The following FREM2 variants were observed in gnomAD, a reference collection of about 807,000 sequenced individuals.
The protein encoded by FREM2 is FRAS1 related extracellular matrix 2, also known as FRAS1-related extracellular matrix protein 2.
Under a neutral mutation model 219.9 loss-of-function variants are expected in FREM2, and 119 were observed. That is an observed-to-expected ratio of 0.54 (90% confidence interval 0.47 to 0.63). The LOEUF (loss-of-function observed/expected upper bound fraction) is 0.63. FREM2 is among the 30% of genes least tolerant of loss of function. The pLI, the probability that FREM2 is intolerant of heterozygous loss-of-function variation, is 0.00. For synonymous variants in FREM2, 1,562 were observed against 1,522.8 expected (o/e 1.03, Z -0.60); for missense variants, 4,030 against 3,993.6 (o/e 1.01, Z -0.25).
At chr13:38,825,464 A>G (rs1876245790) in intron 6 of FREM2, among the ~76,000 whole-genome samples, 1 of 152,132 alleles carries the variant, frequency 6.6e-6, no homozygotes, top group Non-Finnish European at 1.5e-5. Context: ...GTATATTCAC[A>G]GAATATCAAA....
intron 3 of FREM2, 117 bp from the exon 4 acceptor site, chr13:38,769,461 C>A (rs905594633): frequency 1.1e-6 from 1 of 892,212 alleles, no homozygotes; most frequent in Non-Finnish European, 1.8e-6. Flanking sequence ...TTCATGAGGT[C>A]AAAGCAGGAT....
chr13:38,801,942 G>A (rs796148192), intron 6 of FREM2, among the ~76,000 whole-genome samples: 39 of 152,264 alleles, frequency 2.6e-4, no homozygotes, highest in African/African-American at 9.1e-4. Flanking sequence ...GCAATAGATT[G>A]GGCACGCACA....
At chr13:38,839,246 G>C (rs1410816781) in intron 6 of FREM2, among the ~76,000 whole-genome samples, 1 of 152,166 alleles carries the variant, frequency 6.6e-6, no homozygotes, top group African/African-American at 2.4e-5. Context: ...GCAGTTTGCT[G>C]TGGTTCCCCT....
At chr13:38,750,726 C>G (rs1001565501) in intron 2 of FREM2, among the ~76,000 whole-genome samples, 15 of 151,802 alleles carry the variant, frequency 9.9e-5, no homozygotes, top group Non-Finnish European at 1.6e-4. Flanking sequence ...CGAAGTCTCA[C>G]TCTGTTGCCT....
In FREM2 at chr13:38,783,985, G is replaced by A. The variant is rs113977217; in HGVS notation, c.5768-572G>A. Among the ~76,000 whole-genome samples, 405 of 152,342 alleles carry A rather than the reference G, an allele frequency of 2.7e-3. 2 individuals carry two copies. Among genetic ancestry groups the A allele is most frequent in the African/African-American group, 9.3e-3 (386 of 41,580 alleles). ...TGGCGCGCACGCGCCTGTAATCTCAGCTACTCAGGAGGCTGAGGCAGAAGA... is the reference window on the plus strand; with the variant it reads ...TGGCGCGCACGCGCCTGTAATCTCAACTACTCAGGAGGCTGAGGCAGAAGA... On this transcript the variant is annotated intron_variant, in intron 5 of 23. Coordinates refer to ENST00000280481, the MANE Select transcript of FREM2 (RefSeq NM_207361.6).
In FREM2 at chr13:38,691,322, A is replaced by G. The variant is rs1869841047; in HGVS notation, c.3978A>G (p.Ile1326Met). ...ATACCAAGATTATCAACAACAAAAT[A>G]TTAATGGCAACAGATTTAGATTCAG... ...IGDTKIINNK[I>M]LMATDLDSED... is the part of the protein sequence containing the mutation. Residue 1326 changes from isoleucine (I) to methionine (M), a missense_variant, in exon 1 of 24, where the codon ATA (isoleucine) becomes ATG (methionine). Physicochemically the swap from Ile to Met is conservative, Grantham distance 10. This residue lies in a region of FREM2 where 3,102 missense variants were observed against 2,950.7 expected (regional missense o/e 1.05). Coordinates refer to ENST00000280481, the MANE Select transcript of FREM2 (RefSeq NM_207361.6). The G allele has an allele frequency of 6.2e-7, 1 of 1,614,078 alleles. No individual in the cohort carries two copies. Among genetic ancestry groups the G allele is most frequent in the Non-Finnish European group, 8.5e-7 (1 of 1,179,910 alleles).
chr13:38,802,308 C>T (rs1593416443), intron 6 of FREM2, among the ~76,000 whole-genome samples: 1 of 152,288 alleles, frequency 6.6e-6, no homozygotes, highest in East Asian at 1.9e-4. Context: ...TTTCCTTTCT[C>T]CTCAGTCCCA....
chr13:38,844,365 A>G (rs1234581904), intron 6 of FREM2, among the ~76,000 whole-genome samples: 4 of 152,164 alleles, frequency 2.6e-5, no homozygotes, highest in Non-Finnish European at 4.4e-5. Flanking sequence ...CTGTACATAT[A>G]TGGTAACTCA....
rs916913173 is a variant in FREM2 at position 38,884,126 on chromosome 13, C to T, written c.*3339C>T. Reference sequence around the variant, plus strand: ...GTGTTTGAACAATTTGCATAAAGGTCAGCTAGCATCCTGCTGCCAAGCCAC... The same window carrying T: ...GTGTTTGAACAATTTGCATAAAGGTTAGCTAGCATCCTGCTGCCAAGCCAC... On this transcript the variant is annotated 3_prime_UTR_variant, in exon 24 of 24. Transcript: ENST00000280481. 2 of 152,180 alleles carry T rather than the reference C, an allele frequency of 1.3e-5. No homozygotes were observed. Among genetic ancestry groups the T allele is most frequent in the African/African-American group, 4.8e-5 (2 of 41,452 alleles). The allele number at this position is 152,180 out of a possible 1,614,324, so 9.4% of individuals were successfully genotyped here.
rs1878592111 is a variant in FREM2 at position 38,882,778 on chromosome 13, A to G, written c.*1991A>G. 1 of 152,190 alleles carries G rather than the reference A, an allele frequency of 6.6e-6. No individual in the cohort carries two copies. Among genetic ancestry groups the G allele is most frequent in the South Asian group, 2.1e-4 (1 of 4,832 alleles). 9.4% of individuals were successfully genotyped at this position (152,190 alleles called of 1,614,324 possible). A position where few individuals can be genotyped will look rare whatever the true frequency, so the allele number is the denominator to read the frequency against. ...ATGAACATGAATTAGGGAACTTCAA[A>G]TAGTGCGTAGACTTTTCCCTACTTA... On this transcript the variant is annotated 3_prime_UTR_variant, in exon 24 of 24. Coordinates refer to ENST00000280481, the MANE Select transcript of FREM2 (RefSeq NM_207361.6).
chr13:38,753,059 G>A (rs1872843075), intron 2 of FREM2, among the ~76,000 whole-genome samples: 2 of 152,164 alleles, frequency 1.3e-5, no homozygotes, highest in African/African-American at 4.8e-5. Context: ...GCTGCACCAG[G>A]TGTTTTGTTT....
At position 38,857,119 on chromosome 13, in the gene FREM2, A is replaced by G. The variant is rs1472985402; in HGVS notation, c.7057-756A>G. ...CATCACATAAGATGAATCTTTTATT[A>G]TTATTTTTATGGAGTAGCGTATGAA... On this transcript the variant is annotated intron_variant, in intron 12 of 23. Transcript: ENST00000280481. 3.9e-5 allele frequency among the ~76,000 whole-genome samples: 6 copies of G among 152,272 alleles called. No individual in the cohort carries two copies. The East Asian group carries it at 7.7e-4, about 20-fold the overall frequency.
chr13:38,789,866 G>A (rs1481103744), intron 6 of FREM2, among the ~76,000 whole-genome samples: 1 of 151,210 alleles, frequency 6.6e-6, no homozygotes, highest in East Asian at 1.9e-4. Flanking sequence ...TATTATTGAA[G>A]ATCTAAGGTC....
At chr13:38,693,183 A>G (rs1186298158) in intron 1 of FREM2, among the ~76,000 whole-genome samples, 4 of 152,240 alleles carry the variant, frequency 2.6e-5, no homozygotes, top group Non-Finnish European at 5.9e-5. Flanking sequence ...TGCTACTAGG[A>G]TATACATGAA....
At chr13:38,813,595 C>T (rs1420246885) in intron 6 of FREM2, among the ~76,000 whole-genome samples, 1 of 96,798 alleles carries the variant, frequency 1.0e-5, no homozygotes, top group Non-Finnish European at 2.2e-5. Context: ...ATATATATCC[C>T]TCTCTCTCTC....
intron 2 of FREM2, among the ~76,000 whole-genome samples, chr13:38,745,437 T>C (rs1872425848): frequency 6.6e-6 from 1 of 152,216 alleles, no homozygotes; most frequent in South Asian, 2.1e-4. Flanking sequence ...TCTCATCGTA[T>C]ACCTCTTTAT....
rs567646564 is a variant in FREM2, at chr13:38,838,693, G to A, written c.6020-7880G>A. 6.6e-5 allele frequency among the ~76,000 whole-genome samples: 10 copies of A among 152,150 alleles called. No homozygotes were observed. The South Asian group carries it at 1.2e-3, about 19-fold the overall frequency. ...ATGTTTTCTCTAATCTTGTCTTCAC[G>A]CTTTATTTCATTAAGTTGATCTTCA... On this transcript the variant is annotated intron_variant, in intron 6 of 23. Transcript: ENST00000280481.
At chr13:38,750,615 T>C (rs1236559184) in intron 2 of FREM2, among the ~76,000 whole-genome samples, 1 of 152,220 alleles carries the variant, frequency 6.6e-6, no homozygotes, top group Non-Finnish European at 1.5e-5. Context: ...TTCAGTACAC[T>C]GATTTCCTTT....
At chr13:38,851,377 G>A (rs1877365196) in intron 10 of FREM2, among the ~76,000 whole-genome samples, 1 of 152,146 alleles carries the variant, frequency 6.6e-6, no homozygotes, top group African/African-American at 2.4e-5. Flanking sequence ...ACACCCTTGG[G>A]TACAGGGGGA....
Sources: allele counts gnomAD v4.1 joint callset (sites outside exome capture counted in the v4.1 genomes callset), GRCh38; gene constraint gnomAD v4.1.1; regional missense constraint gnomAD v4.1.1; transcripts MANE v1.5; gene names NCBI Gene and HGNC (gene_info 2026-07-23, HGNC 2026-07-21).